RASEF: variants seen among roughly 807,000 people sequenced by gnomAD.
RASEF encodes ras and EF-hand domain-containing protein.
In RASEF, 68 loss-of-function variants were observed where a neutral mutation model predicts 90.1. The ratio of observed to expected loss-of-function variants is 0.75; its 90% CI spans 0.62 to 0.92. The LOEUF (loss-of-function observed/expected upper bound fraction) is 0.92, where lower values mean the gene tolerates loss of function less well. Ranked by LOEUF, RASEF falls within the 40% of genes least tolerant of loss-of-function variation. The pLI is 0.00. For missense variants in RASEF, 949 were observed against 937.2 expected, an observed-to-expected ratio of 1.01 and a Z score of -0.16; for synonymous variants, 331 against 345.2, an observed-to-expected ratio of 0.96 and a Z score of 0.46.
chr9:83,095,595 A>C, the RASEF span, among the ~76,000 whole-genome samples: 1 of 151,904 alleles, frequency 6.6e-6, no homozygotes, highest in African/African-American at 2.4e-5. Flanking sequence ...ACCATATTTT[A>C]ATTCGAAGTT....
chr9:83,002,435 G>C lies in RASEF; in HGVS notation c.1203-1305C>G, dbSNP rs187397882. On this transcript the variant is annotated intron_variant, in intron 9 of 16. Transcript: ENST00000376447. ...TAACTCAATCTATATAGCTAGCTAC[G>C]TGTGTGCATGTGTGCGTGTGTGTGT... is the stretch of plus-strand genomic sequence containing the variant. 2.6e-5 allele frequency among the ~76,000 whole-genome samples: 4 copies of C among 151,792 alleles called. No individual in the cohort carries two copies. In the South Asian group the frequency reaches 8.3e-4, roughly 32 times the overall value.
chr9:83,132,936 C>G, the RASEF span, among the ~76,000 whole-genome samples: 1 of 152,198 alleles, frequency 6.6e-6, no homozygotes, highest in Non-Finnish European at 1.5e-5. Context: ...GTGACATAAA[C>G]TCATACCAGC....
At chr9:82,984,563 T>A (rs1587472222) in intron 16 of RASEF, among the ~76,000 whole-genome samples, 1 of 152,342 alleles carries the variant, frequency 6.6e-6, no homozygotes, top group East Asian at 1.9e-4. Flanking sequence ...CGACAGGAGA[T>A]GGGTGAGTAG....
At chr9:83,173,300 G>A in the RASEF span, among the ~76,000 whole-genome samples, 2 of 151,562 alleles carry the variant, frequency 1.3e-5, no homozygotes, top group Non-Finnish European at 2.9e-5. Flanking sequence ...TGGAAAGTTG[G>A]TATTTCTTTG....
At chr9:83,099,153 T>C in the RASEF span, among the ~76,000 whole-genome samples, 1 of 152,208 alleles carries the variant, frequency 6.6e-6, no homozygotes, top group Non-Finnish European at 1.5e-5. Flanking sequence ...CTCATTATTA[T>C]GCTGTAATAT....
intron 6 of RASEF, among the ~76,000 whole-genome samples, chr9:83,007,722 C>T (rs1829159855): frequency 6.6e-6 from 1 of 152,140 alleles, no homozygotes; most frequent in African/African-American, 2.4e-5. Flanking sequence ...GTGCTTTCTC[C>T]TGTGAGTCTC....
the RASEF span, among the ~76,000 whole-genome samples, chr9:83,085,064 A>T: frequency 2.6e-5 from 4 of 152,200 alleles, no homozygotes; most frequent in African/African-American, 9.7e-5. Context: ...TTTTAAAAAG[A>T]TATATCCCAG....
At position 83,000,507 on chromosome 9, in the gene RASEF, T is replaced by C. The variant is rs745668150; in HGVS notation, c.1501A>G (p.Lys501Glu). 7 of 1,613,908 alleles carry C rather than the reference T, an allele frequency of 4.3e-6. No homozygotes were observed. Among genetic ancestry groups the C allele is most frequent in the Non-Finnish European group, 5.9e-6 (7 of 1,179,840 alleles). ...LEDVASVLDW[K>E]PQGSVSEGSI... ...CCTTCACTAACAGACCCTTGGGGCT[T>C]CCAGTCTAAGACGGAAGCCACATCT... Residue 501 changes from lysine (K) to glutamate (E), a missense_variant, in exon 11 of 17, where the codon AAG becomes GAG. Physicochemically the swap from Lys to Glu is moderately conservative, Grantham distance 56. Around this residue, in one of 3 missense-constraint regions of RASEF, gnomAD observed 288 missense variants for 328.4 expected, o/e 0.88. Transcript: ENST00000376447.
rs1166517025 is a variant in RASEF at position 82,980,996 on chromosome 9, A to G, written c.*1681T>C. 1 of 152,226 alleles carries G rather than the reference A, an allele frequency of 6.6e-6. No individual in the cohort carries two copies. Among genetic ancestry groups the G allele is most frequent in the East Asian group, 1.9e-4 (1 of 5,198 alleles). 9.4% of individuals were successfully genotyped at this position (152,226 alleles called of 1,614,324 possible). On this transcript the variant is annotated 3_prime_UTR_variant, in exon 17 of 17. Transcript: ENST00000376447. ...ATCTTTGCCTGTAACTATCCGGTCA[A>G]TTCCCATTTTTTCAAAAAACTGATG...
At chr9:83,137,194 G>T in the RASEF span, among the ~76,000 whole-genome samples, 1 of 151,840 alleles carries the variant, frequency 6.6e-6, no homozygotes, top group Non-Finnish European at 1.5e-5. Context: ...ATACAGTTTT[G>T]CCTACATATA....
chr9:83,071,284 G>A, the RASEF span, among the ~76,000 whole-genome samples: 1 of 152,100 alleles, frequency 6.6e-6, no homozygotes, highest in African/African-American at 2.4e-5. Flanking sequence ...CCCTTTATTG[G>A]GTTTGGAAAT....
At chr9:83,006,163 A>G (rs1829126820) in intron 7 of RASEF, among the ~76,000 whole-genome samples, 2 of 152,156 alleles carry the variant, frequency 1.3e-5, no homozygotes, top group Non-Finnish European at 2.9e-5. Flanking sequence ...TCTTAGCTCA[A>G]TCCTCACTTC....
At chr9:83,056,673 CA>C (rs1274098043) in intron 1 of RASEF, among the ~76,000 whole-genome samples, 1 of 152,176 alleles carries the variant, frequency 6.6e-6, no homozygotes, top group African/African-American at 2.4e-5. Flanking sequence ...CTGAATTTAA[CA>C]GTAGTTTTGG....
chr9:83,109,494 G>A, the RASEF span, among the ~76,000 whole-genome samples: 4 of 152,140 alleles, frequency 2.6e-5, no homozygotes, highest in Non-Finnish European at 4.4e-5. Context: ...ACTCGCAGAC[G>A]TCATTTAATG....
At chr9:83,153,401 C>G in the RASEF span, among the ~76,000 whole-genome samples, 21 of 152,172 alleles carry the variant, frequency 1.4e-4, no homozygotes, top group Middle Eastern at 3.2e-3. Context: ...CTTGCACATT[C>G]AAAGGAGCCC....
chr9:83,199,747 C>T, the RASEF span, among the ~76,000 whole-genome samples: 1 of 152,244 alleles, frequency 6.6e-6, no homozygotes, highest in Non-Finnish European at 1.5e-5. Flanking sequence ...GGCATGGGTG[C>T]TGGTGAGACA....
chr9:83,164,987 G>T, the RASEF span, among the ~76,000 whole-genome samples: 23 of 151,824 alleles, frequency 1.5e-4, no homozygotes, highest in African/African-American at 5.1e-4. Context: ...TAACATCAGA[G>T]AATCAAAATA....
the RASEF span, among the ~76,000 whole-genome samples, chr9:83,133,074 C>T: frequency 1.3e-5 from 2 of 152,148 alleles, no homozygotes; most frequent in Non-Finnish European, 2.9e-5. Context: ...ATTTCATAAT[C>T]CTCTGGCTCT....
chr9:83,036,508 A>G (rs1389464688), intron 1 of RASEF, among the ~76,000 whole-genome samples: 8 of 152,170 alleles, frequency 5.3e-5, no homozygotes, highest in Admixed American at 5.2e-4. Flanking sequence ...GACCTTTTTT[A>G]TATGGTTTAA....
Sources: gnomAD v4.1 joint callset for allele counts (sites outside exome capture counted in the v4.1 genomes callset) on GRCh38, gnomAD v4.1.1 for gene constraint, gnomAD v4.1.1 regional missense constraint, MANE v1.5 for transcripts, NCBI Gene and HGNC (gene_info 2026-07-23, HGNC 2026-07-21) for gene names.